TCF12: variants seen among roughly 807,000 people sequenced by gnomAD.
The protein encoded by TCF12 is transcription factor 12, also known as DNA-binding protein HTF4.
Under a neutral mutation model 86.0 loss-of-function variants are expected in TCF12, and 45 were observed. The ratio of observed to expected loss-of-function variants is 0.52; its 90% CI spans 0.41 to 0.67. The LOEUF (loss-of-function observed/expected upper bound fraction) is 0.67. Ranked by LOEUF, TCF12 falls within the 30% of genes least tolerant of loss-of-function variation. The pLI, the probability that TCF12 is intolerant of heterozygous loss-of-function variation, is 0.00. For synonymous variants in TCF12, 330 were observed against 299.6 expected (o/e 1.10, Z -1.05); for missense variants, 881 against 859.9 (o/e 1.02, Z -0.31).
intron 8 of TCF12, among the ~76,000 whole-genome samples, chr15:57,208,033 C>CTTTT (rs201258233): frequency 1.5e-5 from 2 of 137,104 alleles, no homozygotes; most frequent in African/African-American, 5.5e-5. Flanking sequence ...CTTCAAGATT[C>CTTTT]TTTTTTTTTT....
At chr15:57,178,033 C>A (rs1597094553) in intron 6 of TCF12, among the ~76,000 whole-genome samples, 1 of 152,056 alleles carries the variant, frequency 6.6e-6, no homozygotes, top group Non-Finnish European at 1.5e-5. Context: ...TTTATTCTTT[C>A]GTAAACTTAT....
At chr15:57,141,265 G>C (rs2052941875) in intron 5 of TCF12, among the ~76,000 whole-genome samples, 1 of 152,210 alleles carries the variant, frequency 6.6e-6, no homozygotes, top group African/African-American at 2.4e-5. Context: ...TATTGATGCA[G>C]TTTCTCCAGA....
chr15:57,230,973 G>T (rs989797984), intron 8 of TCF12, among the ~76,000 whole-genome samples, 179 bp from the exon 9 acceptor site: 2 of 151,750 alleles, frequency 1.3e-5, no homozygotes, highest in Admixed American at 1.3e-4. Context: ...AAAACATGTG[G>T]ATGGTAATTA....
chr15:56,976,567 A>G (rs1449509611), intron 3 of TCF12, among the ~76,000 whole-genome samples: 2 of 152,078 alleles, frequency 1.3e-5, no homozygotes, highest in African/African-American at 2.4e-5. Context: ...TTATAAAATT[A>G]TAATGTTACA....
chr15:57,057,777 A>G (rs973437725), intron 3 of TCF12, among the ~76,000 whole-genome samples: 3 of 152,180 alleles, frequency 2.0e-5, no homozygotes, highest in Non-Finnish European at 4.4e-5. Context: ...AGGAGGGGCA[A>G]GAAGAAGGGA....
rs184764232 is a variant in TCF12, at chr15:57,237,154, T to C, written c.1035+3047T>C. ...GGGAAAAAGAGAGAGAGAGAGTGTG[T>C]GTGTGTGTGTGTGTGTGTATATGTA... is the stretch of plus-strand genomic sequence containing the variant. On this transcript the variant is annotated intron_variant, in intron 12 of 20. Coordinates refer to ENST00000333725, the MANE Select transcript of TCF12 (RefSeq NM_207037.2). 1.2e-4 allele frequency among the ~76,000 whole-genome samples: 18 copies of C among 151,874 alleles called. 1 individual carries two copies. Among genetic ancestry groups the C allele is most frequent in the African/African-American group, 4.3e-4 (18 of 41,464 alleles).
chr15:56,995,350 G>A (rs1391951649), intron 3 of TCF12, among the ~76,000 whole-genome samples: 1 of 146,946 alleles, frequency 6.8e-6, no homozygotes, highest in Non-Finnish European at 1.5e-5. Flanking sequence ...AATGACATTG[G>A]TAGTTTGATA....
At chr15:57,245,215 A>G (rs2059804723) in intron 13 of TCF12, among the ~76,000 whole-genome samples, 1 of 152,232 alleles carries the variant, frequency 6.6e-6, no homozygotes, top group African/African-American at 2.4e-5. Context: ...ACTAAGAAGC[A>G]TTCCGGTTTG....
chr15:56,985,741 A>T (rs2063149557), intron 3 of TCF12, among the ~76,000 whole-genome samples: 1 of 152,176 alleles, frequency 6.6e-6, no homozygotes, highest in Admixed American at 6.5e-5. Context: ...TCTTTTTAGG[A>T]CACCAAAGCT....
At chr15:57,107,847 G>A (rs986248677) in intron 5 of TCF12, among the ~76,000 whole-genome samples, 26 of 152,254 alleles carry the variant, frequency 1.7e-4, no homozygotes, top group South Asian at 1.0e-3. Context: ...ATTGAAGACC[G>A]CAGTGAGCGA....
intron 3 of TCF12, among the ~76,000 whole-genome samples, chr15:57,050,602 G>A: frequency 6.6e-6 from 1 of 152,046 alleles, no homozygotes; most frequent in Non-Finnish European, 1.5e-5. Flanking sequence ...CTGATTTGGG[G>A]AAATTTTTGC....
chr15:56,991,898 A>G (rs760721592), intron 3 of TCF12, among the ~76,000 whole-genome samples: 1 of 152,152 alleles, frequency 6.6e-6, no homozygotes, highest in Non-Finnish European at 1.5e-5. Flanking sequence ...TGGTTAAAAC[A>G]ACTTTTAAGT....
chr15:57,087,255 T>C (rs2048707275), intron 4 of TCF12, among the ~76,000 whole-genome samples: 1 of 151,374 alleles, frequency 6.6e-6, no homozygotes, highest in African/African-American at 2.4e-5. Context: ...CGACAAAAAA[T>C]AAAAATATTG....
chr15:57,138,437 G>A (rs1197715181), intron 5 of TCF12, among the ~76,000 whole-genome samples: 3 of 152,148 alleles, frequency 2.0e-5, no homozygotes, highest in Non-Finnish European at 2.9e-5. Context: ...AGAAGTCATG[G>A]GATGTGGGTT....
At chr15:56,953,017 A>C (rs1199643540) in intron 3 of TCF12, among the ~76,000 whole-genome samples, 1 of 151,984 alleles carries the variant, frequency 6.6e-6, no homozygotes, top group Non-Finnish European at 1.5e-5. Flanking sequence ...AAATTGAGGG[A>C]GTTTCCTTCT....
chr15:56,976,671 C>T (rs1246265658), intron 3 of TCF12, among the ~76,000 whole-genome samples: 1 of 152,050 alleles, frequency 6.6e-6, no homozygotes, highest in African/African-American at 2.4e-5. Context: ...CATTTGCTTC[C>T]TGATGTAAGA....
intron 3 of TCF12, among the ~76,000 whole-genome samples, chr15:56,983,553 C>T (rs2062997502): frequency 1.3e-5 from 2 of 152,104 alleles, no homozygotes; most frequent in Non-Finnish European, 2.9e-5. Flanking sequence ...TATTATGTAA[C>T]ATTTCCTAGA....
chr15:57,277,370 C>T (rs1422398653), intron 19 of TCF12, among the ~76,000 whole-genome samples: 1 of 151,878 alleles, frequency 6.6e-6, no homozygotes, highest in Non-Finnish European at 1.5e-5. Context: ...GTGGCTCACA[C>T]CTGTAATCCC....
At chr15:57,181,061 G>A (rs572591332) in intron 6 of TCF12, among the ~76,000 whole-genome samples, 341 of 151,902 alleles carry the variant, frequency 2.2e-3, no homozygotes, top group Non-Finnish European at 4.2e-3. Context: ...TGATCCGCCC[G>A]CCTCGGTCTC....
Sources: allele counts gnomAD v4.1 joint callset (sites outside exome capture counted in the v4.1 genomes callset), GRCh38; gene constraint gnomAD v4.1.1; transcripts MANE v1.5; gene names NCBI Gene and HGNC (gene_info 2026-07-23, HGNC 2026-07-21).